The following POU2AF2 variants were observed in gnomAD, a reference collection of about 807,000 sequenced individuals.
POU2AF2 encodes the protein POU class 2 homeobox associating factor 2.
At chr11:111,249,518 T>A in the POU2AF2 span, among the ~76,000 whole-genome samples, 1 of 152,178 alleles carries the variant, frequency 6.6e-6, no homozygotes, top group Non-Finnish European at 1.5e-5. Context: ...ATCCCATTAG[T>A]CCTGGTTTGT....
At chr11:111,266,653 A>G in the POU2AF2 span, among the ~76,000 whole-genome samples, 1 of 152,190 alleles carries the variant, frequency 6.6e-6, no homozygotes, top group Non-Finnish European at 1.5e-5. Flanking sequence ...ATGAATAATA[A>G]CAATAATTAT....
At chr11:111,265,316 A>C in the POU2AF2 span, among the ~76,000 whole-genome samples, 2 of 152,132 alleles carry the variant, frequency 1.3e-5, no homozygotes, top group Non-Finnish European at 2.9e-5. Flanking sequence ...CTTACATTGC[A>C]CTGTCACTTC....
chr11:111,264,527 A>G, the POU2AF2 span, among the ~76,000 whole-genome samples: 1 of 70,620 alleles, frequency 1.4e-5, no homozygotes, highest in Non-Finnish European at 2.8e-5. Context: ...AAAGAAAGAA[A>G]GAAAGAAAGA....
chr11:111,251,710 A>G, the POU2AF2 span, among the ~76,000 whole-genome samples: 83 of 152,294 alleles, frequency 5.4e-4, no homozygotes, highest in African/African-American at 1.9e-3. Context: ...TCAACAATCC[A>G]AAGTGTACTC....
At chr11:111,262,501 T>C in the POU2AF2 span, among the ~76,000 whole-genome samples, 1 of 152,382 alleles carries the variant, frequency 6.6e-6, no homozygotes, top group East Asian at 1.9e-4. Context: ...GATCTGTGAT[T>C]TGCATTTGGA....
chr11:111,266,576 C>A, the POU2AF2 span, among the ~76,000 whole-genome samples: 5 of 152,124 alleles, frequency 3.3e-5, no homozygotes, highest in African/African-American at 7.2e-5. Flanking sequence ...CATGGGGGTA[C>A]AATTGAGTTG....
At chr11:111,281,541 C>A in the POU2AF2 span, 4 of 988,934 alleles carry the variant, frequency 4.0e-6, no homozygotes, top group East Asian at 9.5e-5. Context: ...TTCCAAAACT[C>A]TGCTCCTTTA....
the POU2AF2 span, chr11:111,284,269 C>G: frequency 1.9e-6 from 3 of 1,614,138 alleles, no homozygotes; most frequent in Non-Finnish European, 2.5e-6. Context: ...CCTACGGAGA[C>G]TACCGGCCTC....
the POU2AF2 span, among the ~76,000 whole-genome samples, chr11:111,253,615 T>C: frequency 6.6e-6 from 1 of 152,216 alleles, no homozygotes; most frequent in Non-Finnish European, 1.5e-5. Flanking sequence ...CTGACTGATC[T>C]TCCCGCAGCT....
the POU2AF2 span, among the ~76,000 whole-genome samples, chr11:111,268,354 A>G: frequency 6.6e-6 from 1 of 152,120 alleles, no homozygotes; most frequent in African/African-American, 2.4e-5. Flanking sequence ...TCTTCAACTC[A>G]TAACCTGAAC....
At chr11:111,252,872 A>G in the POU2AF2 span, among the ~76,000 whole-genome samples, 100 of 152,246 alleles carry the variant, frequency 6.6e-4, no homozygotes, top group African/African-American at 2.3e-3. Flanking sequence ...TCAAGAAGAA[A>G]TAGTCTCCCC....
the POU2AF2 span, among the ~76,000 whole-genome samples, chr11:111,256,959 C>T: frequency 6.6e-6 from 1 of 152,196 alleles, no homozygotes; most frequent in African/African-American, 2.4e-5. Context: ...TATCTGCCAT[C>T]CATGTCTTTA....
the POU2AF2 span, among the ~76,000 whole-genome samples, chr11:111,248,810 T>C: frequency 6.6e-6 from 1 of 152,228 alleles, no homozygotes; most frequent in Non-Finnish European, 1.5e-5. Flanking sequence ...GTGCCATAAG[T>C]GTATTTGATA....
the POU2AF2 span, among the ~76,000 whole-genome samples, chr11:111,271,410 T>A: frequency 6.6e-6 from 1 of 152,124 alleles, no homozygotes; most frequent in African/African-American, 2.4e-5. Context: ...AACTCTTTTT[T>A]ATTTCTTTTT....
the POU2AF2 span, among the ~76,000 whole-genome samples, chr11:111,248,694 A>T: frequency 1.3e-5 from 2 of 152,080 alleles, no homozygotes; most frequent in East Asian, 3.9e-4. Flanking sequence ...TTATTCCCTT[A>T]CGTAAAGTCA....
At chr11:111,247,020 C>A in the POU2AF2 span, among the ~76,000 whole-genome samples, 3 of 151,910 alleles carry the variant, frequency 2.0e-5, no homozygotes, top group Non-Finnish European at 4.4e-5. Context: ...TATACTTGAC[C>A]TTTTTTTTCC....
chr11:111,248,224 C>A, the POU2AF2 span, among the ~76,000 whole-genome samples: 3 of 152,118 alleles, frequency 2.0e-5, no homozygotes, highest in African/African-American at 4.8e-5. Flanking sequence ...CCCTGAGTTC[C>A]TAGTGGGCGT....
chr11:111,280,344 A>C, the POU2AF2 span, among the ~76,000 whole-genome samples: 1 of 152,154 alleles, frequency 6.6e-6, no homozygotes, highest in Non-Finnish European at 1.5e-5. Context: ...GCATGTATGC[A>C]CATACACACA....
the POU2AF2 span, among the ~76,000 whole-genome samples, chr11:111,264,577 G>GAGAGAGAGA: frequency 1.3e-4 from 3 of 22,930 alleles, 1 homozygote; most frequent in African/African-American, 4.4e-4. Context: ...AGAAAGAAAG[G>GAGAGAGAGA]GAGAGAGAAA....
Sources: gnomAD v4.1 joint callset for allele counts (sites outside exome capture counted in the v4.1 genomes callset) on GRCh38, gnomAD v4.1.1 for gene constraint, MANE v1.5 for transcripts, NCBI Gene and HGNC (gene_info 2026-07-23, HGNC 2026-07-21) for gene names.